Variants in NLGN4X observed in about 807,000 individuals in gnomAD.
NLGN4X encodes neuroligin 4 X-linked.
Under a neutral mutation model 40.3 loss-of-function variants are expected in NLGN4X, and 3 were observed. The observed-to-expected ratio is 0.07, with a 90% CI of 0.03 to 0.19. The LOEUF (loss-of-function observed/expected upper bound fraction) is 0.19, where lower values mean the gene tolerates loss of function less well. Ranked by LOEUF, NLGN4X falls within the 10% of genes least tolerant of loss-of-function variation. The pLI is 1.00. For missense variants in NLGN4X, 382 were observed against 708.3 expected (o/e 0.54, Z 5.23); for synonymous variants, 270 against 306.8 (o/e 0.88, Z 1.25).
chrX:6,215,941 A>G (rs1234379539), intron 1 of NLGN4X, among the ~76,000 whole-genome samples: 3 of 106,563 alleles, frequency 2.8e-5, no homozygotes, highest in African/African-American at 6.9e-5. Context: ...CAGTGGCGTG[A>G]TATCAGCTTA....
At chrX:6,040,009 C>T (rs1455552828) in intron 2 of NLGN4X, among the ~76,000 whole-genome samples, 5 of 111,988 alleles carry the variant, frequency 4.5e-5, no homozygotes, top group Non-Finnish European at 9.4e-5. Flanking sequence ...ACAACTGTAG[C>T]TTACCGCAGC....
chrX:6,073,169 T>C (rs1451805544), intron 2 of NLGN4X, among the ~76,000 whole-genome samples: 1 of 111,904 alleles, frequency 8.9e-6, no homozygotes, highest in Non-Finnish European at 1.9e-5. Flanking sequence ...TTATTCCTCC[T>C]GGGAATCCCT....
chrX:6,110,179 T>G (rs1424734181), intron 2 of NLGN4X, among the ~76,000 whole-genome samples: 1 of 111,821 alleles, frequency 8.9e-6, no homozygotes, highest in South Asian at 3.7e-4. Context: ...AGCAACTAAA[T>G]GTATTCCAGA....
At chrX:6,100,320 C>T (rs1435945762) in intron 2 of NLGN4X, among the ~76,000 whole-genome samples, 1 of 112,413 alleles carries the variant, frequency 8.9e-6, no homozygotes, top group African/African-American at 3.2e-5. Context: ...TTTGTTTTGG[C>T]CAGTTTGGGG....
chrX:6,067,111 C>A (rs1200885904), intron 2 of NLGN4X, among the ~76,000 whole-genome samples: 1 of 109,261 alleles, frequency 9.2e-6, no homozygotes, highest in East Asian at 2.9e-4. Context: ...ACAGTCCCCC[C>A]CCCAAAACAA....
chrX:6,084,356 G>T (rs1056441042), intron 2 of NLGN4X, among the ~76,000 whole-genome samples: 29 of 111,478 alleles, frequency 2.6e-4, no homozygotes, highest in African/African-American at 8.5e-4. Context: ...CATAACTCAA[G>T]AGAAGACAGG....
At chrX:6,157,572 T>C (rs1001065207) in intron 1 of NLGN4X, among the ~76,000 whole-genome samples, 1 of 111,757 alleles carries the variant, frequency 8.9e-6, no homozygotes, top group African/African-American at 3.3e-5. Context: ...CAGATATTCA[T>C]TGCTCACAGC....
At chrX:5,939,518 A>G (rs756656964) in intron 3 of NLGN4X, among the ~76,000 whole-genome samples, 4 of 111,504 alleles carry the variant, frequency 3.6e-5, no homozygotes, top group Non-Finnish European at 5.6e-5. Flanking sequence ...ACTATATTAT[A>G]AAGTGTCCAT....
At chrX:6,058,935 A>G (rs1359075411) in intron 2 of NLGN4X, among the ~76,000 whole-genome samples, 6 of 111,992 alleles carry the variant, frequency 5.4e-5, no homozygotes, top group Admixed American at 9.5e-5. Context: ...TATAATCTCA[A>G]AGTACCTCAC....
intron 1 of NLGN4X, among the ~76,000 whole-genome samples, chrX:6,190,140 T>G (rs1323827665): frequency 9.0e-6 from 1 of 110,666 alleles, no homozygotes; most frequent in African/African-American, 3.3e-5. Context: ...CTTTATAAAT[T>G]ACAAATTATC....
intron 1 of NLGN4X, among the ~76,000 whole-genome samples, chrX:6,163,339 G>A (rs1442081987): frequency 8.9e-6 from 1 of 112,162 alleles, no homozygotes; most frequent in African/African-American, 3.2e-5. Context: ...ACCACTGAAT[G>A]CTTCCAAGGT....
chrX:6,114,674 G>A (rs1311438336), intron 2 of NLGN4X, among the ~76,000 whole-genome samples: 1 of 111,139 alleles, frequency 9.0e-6, no homozygotes, highest in Admixed American at 9.7e-5. Flanking sequence ...CACTACATAT[G>A]AGGATTTTTT....
chrX:6,177,348 G>A (rs1920973194), intron 1 of NLGN4X, among the ~76,000 whole-genome samples: 2 of 111,088 alleles, frequency 1.8e-5, no homozygotes, highest in Admixed American at 1.9e-4. Flanking sequence ...TAGTAGAGAT[G>A]GGGTTTCACC....
At chrX:6,225,681 C>CTTTTTTTTTTT (rs1569309354) in intron 1 of NLGN4X, among the ~76,000 whole-genome samples, 22 of 33,793 alleles carry the variant, frequency 6.5e-4, no homozygotes, top group Non-Finnish European at 8.0e-4. Context: ...TTTTTTCTTT[C>CTTTTTTTTTTT]TTTTTTTCTT....
At chrX:5,912,776 G>A (rs894929714) in intron 3 of NLGN4X, among the ~76,000 whole-genome samples, 1 of 104,035 alleles carries the variant, frequency 9.6e-6, no homozygotes, top group African/African-American at 3.5e-5. Context: ...CTGTGAATAA[G>A]ACTGGAGGCA....
Position 6,116,290 on chromosome X carries a change from C to CAAAAA in NLGN4X, c.472+34700_472+34704dup, listed in dbSNP as rs758019203. 1.1e-3 allele frequency among the ~76,000 whole-genome samples: 17 copies of CAAAAA among 16,165 alleles called. 2 individuals carry two copies. Among genetic ancestry groups the CAAAAA allele is most frequent in the African/African-American group, 3.6e-3 (15 of 4,173 alleles). 14.0% of individuals were successfully genotyped at this position (16,165 alleles called of 115,157 possible). On this transcript the variant is annotated intron_variant, in intron 2 of 5. Coordinates refer to ENST00000381095, the MANE Select transcript of NLGN4X (RefSeq NM_181332.3). ...CCTGGGCGACAGACCGAGACTCTGT[C>CAAAAA]AAAAAAAAAAAAAAAAAAAAAAAAA...
In NLGN4X at chrX:5,994,192, C is replaced by G. The variant is rs150351845; in HGVS notation, c.625+35088G>C. Among the ~76,000 whole-genome samples, 84 of 111,860 alleles carry G rather than the reference C, an allele frequency of 7.5e-4. No homozygotes were observed. The East Asian group carries it at 0.023, about 30-fold the overall frequency. ...ACAGACTGAACTGGATGGTTAAGAT[C>G]CTTGAGTGGCCAGAATTCCTATGCT... On this transcript the variant is annotated intron_variant, in intron 3 of 5. Transcript: ENST00000381095.
intron 2 of NLGN4X, among the ~76,000 whole-genome samples, chrX:6,041,532 A>G (rs1008419033): frequency 8.9e-6 from 1 of 112,012 alleles, no homozygotes; most frequent in Non-Finnish European, 1.9e-5. Flanking sequence ...CCATTTCCTC[A>G]GAAAGGCATT....
intron 1 of NLGN4X, among the ~76,000 whole-genome samples, chrX:6,197,921 G>A (rs1295760121): frequency 9.2e-6 from 1 of 109,220 alleles, no homozygotes; most frequent in Non-Finnish European, 1.9e-5. Context: ...AAAAATTAGC[G>A]AGGTTTGGTG....
Sources: gnomAD v4.1 joint callset for allele counts (sites outside exome capture counted in the v4.1 genomes callset) on GRCh38, gnomAD v4.1.1 for gene constraint, MANE v1.5 for transcripts, NCBI Gene and HGNC (gene_info 2026-07-23, HGNC 2026-07-21) for gene names.